The following ARMH1 variants were observed in gnomAD, a reference collection of about 807,000 sequenced individuals.
ARMH1 encodes the protein armadillo like helical domain containing 1, also known as armadillo-like helical domain containing protein 1.
Under a neutral mutation model 50.2 loss-of-function variants are expected in ARMH1, and 34 were observed. The observed-to-expected ratio is 0.68, with a 90% CI of 0.51 to 0.90. The LOEUF (loss-of-function observed/expected upper bound fraction) is 0.90, where lower values mean the gene tolerates loss of function less well. Ranked by LOEUF, ARMH1 falls within the 40% of genes least tolerant of loss-of-function variation. The probability of loss-of-function intolerance (pLI) is 0.00; values close to 1 mark genes in which losing one functional copy is unlikely to be tolerated. For synonymous variants in ARMH1, 221 were observed against 224.2 expected (o/e 0.99, Z 0.13); for missense variants, 538 against 553.9 (o/e 0.97, Z 0.29).
At chr1:44,687,899 G>A (rs376823156) in intron 1 of ARMH1, among the ~76,000 whole-genome samples, 21 of 152,270 alleles carry the variant, frequency 1.4e-4, no homozygotes, top group East Asian at 5.8e-4. Context: ...TGCCTTTGGC[G>A]TCCTGGAATC....
intron 2 of ARMH1, among the ~76,000 whole-genome samples, chr1:44,694,289 C>T (rs1341621242): frequency 6.6e-6 from 1 of 152,158 alleles, no homozygotes; most frequent in East Asian, 1.9e-4. Context: ...AAACCCACTT[C>T]TCCTACTCAG....
intron 6 of ARMH1, among the ~76,000 whole-genome samples, chr1:44,722,366 C>T (rs577652598): frequency 1.9e-3 from 293 of 151,826 alleles, no homozygotes; most frequent in African/African-American, 6.7e-3. Flanking sequence ...CCAGCCTGGA[C>T]GACAGAGTAA....
intron 6 of ARMH1, among the ~76,000 whole-genome samples, chr1:44,707,693 A>G (rs1406593341): frequency 6.6e-6 from 1 of 152,232 alleles, no homozygotes; most frequent in African/African-American, 2.4e-5. Flanking sequence ...AAGTGCTGGG[A>G]TCACAAGCGC....
intron 3 of ARMH1, 56 bp downstream of exon 3, chr1:44,697,226 T>A (rs1055355028): frequency 1.3e-5 from 18 of 1,396,336 alleles, no homozygotes; most frequent in Non-Finnish European, 1.8e-5. Flanking sequence ...AGGCTCATGA[T>A]GTCTTTGGCA....
intron 5 of ARMH1, among the ~76,000 whole-genome samples, chr1:44,701,492 CT>C (rs112588701): frequency 1.8e-3 from 262 of 145,062 alleles, no homozygotes; most frequent in Middle Eastern, 0.011. Context: ...CTGGGGAAGG[CT>C]TTTTTTTTTT....
rs1648051008 is a variant in ARMH1 at position 44,724,911 on chromosome 1, G to C, written c.1128+72G>C. On this transcript the variant is annotated intron_variant, in intron 10 of 11. Coordinates refer to ENST00000535358, the MANE Select transcript of ARMH1 (RefSeq NM_001145636.2). This position sits in a 1 kb window ranked among gnomAD's most constrained non-coding sequence, Gnocchi z 6.4. ...GGACAGTGTGATGCCCCTTCAGACA[G>C]TCCCCATCCTGGAGCGCGCCACATG... The C allele has an allele frequency of 6.6e-7, 1 of 1,514,640 alleles. No homozygotes were observed. Among genetic ancestry groups the C allele is most frequent in the Non-Finnish European group, 8.8e-7 (1 of 1,132,548 alleles). 93.8% of individuals were successfully genotyped at this position (1,514,640 alleles called of 1,614,324 possible).
chr1:44,721,910 T>G (rs1003867924), intron 6 of ARMH1: 3 of 152,242 alleles, frequency 2.0e-5, no homozygotes, highest in African/African-American at 4.8e-5. Context: ...ATCTGCCTGT[T>G]AGCCTTTTGC....
rs1334152467 is a variant in ARMH1 at position 44,724,179 on chromosome 1, G to C, written c.782G>C (p.Gly261Ala). The change falls in exon 7 of 12, where the codon GGC (glycine) becomes GCC (alanine). Residue 261 changes from glycine to alanine, a missense_variant. Transcript: ENST00000535358. This position sits in a 1 kb window ranked among gnomAD's most constrained non-coding sequence, Gnocchi z 6.4. Reference sequence around the variant, plus strand: ...GATGTGCGCCAGGCGCTGCTCAAGGGCCTCGTGGCGCTGCTGATACCGTCG... The same window carrying C: ...GATGTGCGCCAGGCGCTGCTCAAGGCCCTCGTGGCGCTGCTGATACCGTCG... ...GYDVRQALLK[G>A]LVALLIPSVK... The C allele has an allele frequency of 6.4e-7, 1 of 1,551,690 alleles. No individual in the cohort carries two copies. Among genetic ancestry groups the C allele is most frequent in the Admixed American group, 2.0e-5 (1 of 51,004 alleles).
chr1:44,697,145 G>A lies in ARMH1; in HGVS notation c.250G>A (p.Gly84Ser), dbSNP rs1466013389. ...SCLEKLLRSI[G>S]IFLSAVSSNR... Reference sequence around the variant, plus strand: ...TTTAGAAAAGCTTCTCAGGTCCATTGGCATCTTCTTATCAGCTGTAAGCAG... The same window carrying A: ...TTTAGAAAAGCTTCTCAGGTCCATTAGCATCTTCTTATCAGCTGTAAGCAG... The change falls in exon 3 of 12, where the codon GGC becomes AGC. Residue 84 changes from glycine to serine, a missense_variant. By Grantham distance (56) the Gly-to-Ser change is moderately conservative. Coordinates refer to ENST00000535358, the MANE Select transcript of ARMH1 (RefSeq NM_001145636.2). 1 of 1,551,994 alleles carries A rather than the reference G, an allele frequency of 6.4e-7. No homozygotes were observed. The highest frequency in any genetic ancestry group is 2.0e-5 in the Admixed American group (1 of 50,986).
At chr1:44,717,883 G>A (rs1264645752) in intron 6 of ARMH1, among the ~76,000 whole-genome samples, 1 of 152,206 alleles carries the variant, frequency 6.6e-6, no homozygotes, top group Non-Finnish European at 1.5e-5. Context: ...GTAACTGGCT[G>A]TGGTTCCTGT....
intron 6 of ARMH1, among the ~76,000 whole-genome samples, chr1:44,708,310 G>A (rs925191705): frequency 6.6e-6 from 1 of 152,234 alleles, no homozygotes; most frequent in African/African-American, 2.4e-5. Flanking sequence ...AGTCAGCATG[G>A]AGAAGCAGCC....
In ARMH1 at chr1:44,689,739, A is replaced by T. The variant is rs1169078051; in HGVS notation, c.42A>T (p.Leu14Phe). The T allele has an allele frequency of 1.3e-6, 2 of 1,551,880 alleles. No homozygotes were observed. Among genetic ancestry groups the T allele is most frequent in the African/African-American group, 2.7e-5 (2 of 73,004 alleles). ...AGCAGGCAGCAATTAGCAGGCTCTT[A>T]AGTTTTTTACAGGAGTGGGACAACG... ...IKEQAAISRL[L>F]SFLQEWDNAG... is the part of the protein sequence containing the mutation. Residue 14 changes from leucine (L) to phenylalanine (F), a missense_variant, in exon 2 of 12, where the codon TTA becomes TTT. Physicochemically the swap from Leu to Phe is conservative, Grantham distance 22. Transcript: ENST00000535358.
In ARMH1 at chr1:44,689,802, C is replaced by T; in HGVS notation, c.105C>T (p.Phe35=). ...KVARSHILDK[F]IETNQGKTAP... is the part of the protein sequence containing the mutation. The stretch of plus-strand genomic sequence containing the variant: ...CAAGGAGTCACATCCTCGACAAGTT[C>T]ATTGAAACCAACCAAGGCAAGACTG... Residue 35 remains phenylalanine (F), a synonymous_variant, in exon 2 of 12, where the codon TTC becomes TTT. Transcript: ENST00000535358. 2 of 1,551,812 alleles carry T rather than the reference C, an allele frequency of 1.3e-6. No homozygotes were observed. Among genetic ancestry groups the T allele is most frequent in the South Asian group, 1.2e-5 (1 of 84,054 alleles).
Position 44,724,031 on chromosome 1 carries a change from T to C in ARMH1, c.725-91T>C. On this transcript the variant is annotated intron_variant, in intron 6 of 11. Coordinates refer to ENST00000535358, the MANE Select transcript of ARMH1 (RefSeq NM_001145636.2). This position sits in a 1 kb window ranked among gnomAD's most constrained non-coding sequence, Gnocchi z 6.4. Reference sequence around the variant, plus strand: ...GCTGATCAGTAAAAGAGGAGGACACTGACGAGTGGCGACTTGGTTCACGGG... The same window carrying C: ...GCTGATCAGTAAAAGAGGAGGACACCGACGAGTGGCGACTTGGTTCACGGG... 1 of 1,476,268 alleles carries C rather than the reference T, an allele frequency of 6.8e-7. No homozygotes were observed. 91.4% of individuals were successfully genotyped at this position (1,476,268 alleles called of 1,614,324 possible).
In ARMH1 at chr1:44,725,135, G is replaced by C. The variant is rs1242642343; in HGVS notation, c.1129-1G>C. The stretch of plus-strand genomic sequence containing the variant: ...CGGGTCCCCCTTGCTCCTGTCCTCA[G>C]AGCAACGCTGAGGACTTGTACATGA... On this transcript the variant is annotated splice_acceptor_variant, in intron 10 of 11. Transcript: ENST00000535358. LOFTEE classifies it high-confidence loss of function. 3.9e-6 allele frequency: 6 copies of C among 1,551,776 alleles called. No individual in the cohort carries two copies. Among genetic ancestry groups the C allele is most frequent in the Non-Finnish European group, 5.2e-6 (6 of 1,147,032 alleles).
intron 6 of ARMH1, 62 bp downstream of exon 6, chr1:44,704,235 C>T (rs899938051): frequency 8.6e-6 from 11 of 1,271,788 alleles, no homozygotes; most frequent in Non-Finnish European, 1.1e-5. Context: ...CTCTCAAAAG[C>T]TTTCTCTTAG....
intron 1 of ARMH1, among the ~76,000 whole-genome samples, chr1:44,685,211 A>G (rs1376593762): frequency 6.6e-6 from 1 of 152,204 alleles, no homozygotes; most frequent in Non-Finnish European, 1.5e-5. Flanking sequence ...AAAGGTTTCA[A>G]AATCATCAGG....
In ARMH1 at chr1:44,698,107, C is replaced by A. The variant is rs777471044; in HGVS notation, c.320C>A (p.Thr107Asn). The A allele has an allele frequency of 2.6e-5, 40 of 1,552,168 alleles. No homozygotes were observed. Among genetic ancestry groups the A allele is most frequent in the Non-Finnish European group, 3.1e-5 (36 of 1,147,022 alleles). ...TTTCTTGAGGTTGGAGGTGTCCTAA[C>A]CCTCTTGGAAATACTTGGGCTAGAG... Reference protein sequence around the residue: ...IEFLEVGGVLTLLEILGLEKI... With the variant: ...IEFLEVGGVLNLLEILGLEKI... The change falls in exon 4 of 12, where the codon ACC (threonine) becomes AAC (asparagine). Residue 107 changes from threonine (T) to asparagine (N), a missense_variant. Physicochemically the swap from Thr to Asn is moderately conservative, Grantham distance 65. Coordinates refer to ENST00000535358, the MANE Select transcript of ARMH1 (RefSeq NM_001145636.2).
chr1:44,703,504 C>T (rs1421822171), intron 5 of ARMH1, among the ~76,000 whole-genome samples: 8 of 148,416 alleles, frequency 5.4e-5, no homozygotes, highest in Admixed American at 4.8e-4. Context: ...GGGTGGATCA[C>T]TTGAGGTCAA....
Sources: gnomAD v4.1 joint callset for allele counts (sites outside exome capture counted in the v4.1 genomes callset) on GRCh38, gnomAD v4.1.1 for gene constraint, Gnocchi (gnomAD v3.1) non-coding constraint, MANE v1.5 for transcripts, NCBI Gene and HGNC (gene_info 2026-07-23, HGNC 2026-07-21) for gene names.